DCC: variants seen among roughly 807,000 people sequenced by gnomAD.
The protein encoded by DCC is DCC netrin 1 receptor, also known as netrin receptor DCC.
In DCC, 58 loss-of-function variants were observed where a neutral mutation model predicts 172.5. That is an observed-to-expected ratio of 0.34 (90% CI 0.27 to 0.42). The LOEUF (loss-of-function observed/expected upper bound fraction) is 0.42, where lower values mean the gene tolerates loss of function less well. Among genes scored for constraint, DCC ranks in the 10% least tolerant of loss-of-function variants. The probability of loss-of-function intolerance (pLI) is 1.00; values close to 1 mark genes in which losing one functional copy is unlikely to be tolerated. For synonymous variants in DCC, 709 were observed against 644.5 expected (o/e 1.10, Z -1.52); for missense variants, 1,740 against 1,791.0 (o/e 0.97, Z 0.51).
At chr18:52,606,542 G>A (rs879630517) in intron 1 of DCC, among the ~76,000 whole-genome samples, 1 of 151,972 alleles carries the variant, frequency 6.6e-6, no homozygotes, top group Non-Finnish European at 1.5e-5. Context: ...CAGGAAACAT[G>A]AAGGGATATT....
At chr18:52,993,170 A>C (rs149270288) in intron 5 of DCC, among the ~76,000 whole-genome samples, 3,181 of 152,226 alleles carry the variant, frequency 0.021, 55 homozygotes, top group Middle Eastern at 0.054. Flanking sequence ...TTATTTTGTA[A>C]CATCTATTGA....
chr18:52,989,572 T>C (rs1414706441), intron 5 of DCC, among the ~76,000 whole-genome samples: 1 of 152,192 alleles, frequency 6.6e-6, no homozygotes, highest in Non-Finnish European at 1.5e-5. Context: ...AGTTAGTCAC[T>C]GAACATTGGA....
At chr18:53,160,971 G>A (rs1459495772) in intron 8 of DCC, among the ~76,000 whole-genome samples, 1 of 152,088 alleles carries the variant, frequency 6.6e-6, no homozygotes, top group East Asian at 1.9e-4. Flanking sequence ...TTATAAAAGA[G>A]CAAATCTTCA....
intron 12 of DCC, among the ~76,000 whole-genome samples, chr18:53,252,261 C>A (rs942194611): frequency 6.6e-6 from 1 of 151,648 alleles, no homozygotes; most frequent in Non-Finnish European, 1.5e-5. Flanking sequence ...TTACATACTG[C>A]ATAGGATTTT....
intron 2 of DCC, among the ~76,000 whole-genome samples, chr18:52,776,036 C>G (rs1034135807): frequency 1.1e-4 from 16 of 152,188 alleles, no homozygotes; most frequent in South Asian, 2.1e-4. Flanking sequence ...GAGTTGGATA[C>G]TGACTTTCTC....
At chr18:52,403,705 G>T (rs1049258572) in intron 1 of DCC, among the ~76,000 whole-genome samples, 1 of 152,048 alleles carries the variant, frequency 6.6e-6, no homozygotes, top group Non-Finnish European at 1.5e-5. Flanking sequence ...TAGTGCCTTT[G>T]TGTGTGTATG....
chr18:52,958,165 CT>C (rs1341207358), intron 5 of DCC, among the ~76,000 whole-genome samples: 1 of 151,912 alleles, frequency 6.6e-6, no homozygotes, highest in East Asian at 1.9e-4. Flanking sequence ...ATTGTTCTTT[CT>C]TTTTAAATTA....
intron 23 of DCC, among the ~76,000 whole-genome samples, chr18:53,451,704 G>A (rs867712245): frequency 7.5e-6 from 1 of 133,396 alleles, no homozygotes; most frequent in African/African-American, 3.2e-5. Context: ...CTAATAGCTC[G>A]CTCTTGCTCT....
chr18:52,787,063 C>T lies in DCC; in HGVS notation c.412+34689C>T, dbSNP rs1442856405. ...CCAAATTTTGTTCACAGAAGTATAC[C>T]TTACTCAATTATTAAAAGCTTTAAA... On this transcript the variant is annotated intron_variant, in intron 2 of 28. Coordinates refer to ENST00000442544, the MANE Select transcript of DCC (RefSeq NM_005215.4). Among the ~76,000 whole-genome samples the T allele has an allele frequency of 2.0e-5, 3 of 152,196 alleles. No individual in the cohort carries two copies. In the East Asian group the frequency reaches 5.8e-4, roughly 29 times the overall value.
chr18:52,847,681 G>T (rs529161402), intron 2 of DCC, among the ~76,000 whole-genome samples: 3 of 152,146 alleles, frequency 2.0e-5, no homozygotes, highest in African/African-American at 7.2e-5. Flanking sequence ...AATACAAAAA[G>T]AAAAAGCTTG....
At chr18:53,445,841 T>G (rs1300463705) in intron 22 of DCC, among the ~76,000 whole-genome samples, 1 of 152,002 alleles carries the variant, frequency 6.6e-6, no homozygotes, top group Non-Finnish European at 1.5e-5. Flanking sequence ...TTATTACTAA[T>G]TTTAATGGAA....
At chr18:53,253,016 A>G (rs1257375790) in intron 12 of DCC, among the ~76,000 whole-genome samples, 1 of 151,936 alleles carries the variant, frequency 6.6e-6, no homozygotes, top group Non-Finnish European at 1.5e-5. Context: ...CTGATAAATT[A>G]CTCATTTTAT....
chr18:53,036,870 T>C (rs1195058688), intron 5 of DCC, among the ~76,000 whole-genome samples: 2 of 151,998 alleles, frequency 1.3e-5, no homozygotes, highest in African/African-American at 4.8e-5. Context: ...CAGGCATTGC[T>C]TTCCATCCTG....
In DCC at chr18:52,595,832, A is replaced by T. The variant is rs185753298; in HGVS notation, c.92-156222A>T. 5.9e-3 allele frequency among the ~76,000 whole-genome samples: 901 copies of T among 152,312 alleles called. 6 individuals are homozygous for T. Among genetic ancestry groups the T allele is most frequent in the Middle Eastern group, 0.01 (3 of 294 alleles). On this transcript the variant is annotated intron_variant, in intron 1 of 28. Coordinates refer to ENST00000442544, the MANE Select transcript of DCC (RefSeq NM_005215.4). ...AACTTTACATACATGTAAATCTGCA[A>T]GCAAGAGCAAGAGAGGACCTAGGAC...
chr18:52,541,899 G>GTATATATATATATGTA (rs1390082523), intron 1 of DCC, among the ~76,000 whole-genome samples: 4 of 136,038 alleles, frequency 2.9e-5, no homozygotes, highest in Non-Finnish European at 6.2e-5. Flanking sequence ...ATATATATGT[G>GTATATATATATATGTA]TATATATATA....
chr18:52,708,954 G>A (rs1293547902), intron 1 of DCC, among the ~76,000 whole-genome samples: 3 of 152,034 alleles, frequency 2.0e-5, no homozygotes, highest in Non-Finnish European at 2.9e-5. Flanking sequence ...CTTGTCCACT[G>A]GTATTTATAC....
At chr18:53,099,392 C>T (rs548468262) in intron 7 of DCC, among the ~76,000 whole-genome samples, 8 of 152,214 alleles carry the variant, frequency 5.3e-5, no homozygotes, top group African/African-American at 1.7e-4. Context: ...TGCCCTTTGA[C>T]ATGTTTTAAT....
At chr18:52,960,112 A>T (rs1013432179) in intron 5 of DCC, among the ~76,000 whole-genome samples, 2 of 152,062 alleles carry the variant, frequency 1.3e-5, no homozygotes, top group Non-Finnish European at 2.9e-5. Flanking sequence ...ACGCACACAC[A>T]CAATATAGCT....
intron 7 of DCC, among the ~76,000 whole-genome samples, chr18:53,119,470 A>G (rs531223121): frequency 1.3e-4 from 20 of 151,948 alleles, no homozygotes; most frequent in African/African-American, 4.8e-4. Flanking sequence ...TAGGAAAACT[A>G]GAGACTGAAA....
Sources: allele counts gnomAD v4.1 joint callset (sites outside exome capture counted in the v4.1 genomes callset), GRCh38; gene constraint gnomAD v4.1.1; transcripts MANE v1.5; gene names NCBI Gene and HGNC (gene_info 2026-07-23, HGNC 2026-07-21).